TUBGCP5: variants seen among roughly 807,000 people sequenced by gnomAD.
TUBGCP5 encodes gamma-tubulin complex component 5.
In TUBGCP5, 98 loss-of-function variants were observed where a neutral mutation model predicts 134.7. That is an observed-to-expected ratio of 0.73 (90% CI 0.62 to 0.86). The LOEUF is 0.86. TUBGCP5 is among the 40% of genes least tolerant of loss of function. TUBGCP5 has a pLI of 0.00. For synonymous variants in TUBGCP5, 456 were observed against 431.4 expected, an observed-to-expected ratio of 1.06 and a Z score of -0.71; for missense variants, 1,150 against 1,244.8, an observed-to-expected ratio of 0.92 and a Z score of 1.15.
chr15:23,015,980 G>A (rs569445382), intron 13 of TUBGCP5, among the ~76,000 whole-genome samples: 2 of 152,236 alleles, frequency 1.3e-5, no homozygotes, highest in African/African-American at 4.8e-5. Flanking sequence ...CACCTCCCAA[G>A]AAAACCAATA....
chr15:23,006,717 C>T (rs1188452317), intron 16 of TUBGCP5, among the ~76,000 whole-genome samples: 1 of 152,090 alleles, frequency 6.6e-6, no homozygotes, highest in African/African-American at 2.4e-5. Context: ...AGCAGCTCGA[C>T]GGAGCCGAGC....
chr15:22,996,378 C>T (rs923982018), downstream of TUBGCP5, among the ~76,000 whole-genome samples: 1 of 152,116 alleles, frequency 6.6e-6, no homozygotes, highest in African/African-American at 2.4e-5. Flanking sequence ...GGTGCAATGG[C>T]GCACACCTGT....
At chr15:23,026,037 A>G in intron 8 of TUBGCP5, 79 bp downstream of exon 8, 1 of 1,194,296 alleles carries the variant, frequency 8.4e-7, no homozygotes, top group Non-Finnish European at 1.2e-6. Context: ...AAATGCTTGA[A>G]AAGTTTCCTT....
In TUBGCP5 at chr15:23,016,969, G is replaced by GATATAT. The variant is rs57631069; in HGVS notation, c.1756+798_1756+803dup. Among the ~76,000 whole-genome samples, 95 of 109,424 alleles carry GATATAT rather than the reference G, an allele frequency of 8.7e-4. 8 individuals carry two copies. In the East Asian group the frequency reaches 0.012, roughly 14 times the overall value. 71.8% of individuals were successfully genotyped at this position (109,424 alleles called of 152,430 possible). A position where few individuals can be genotyped will look rare whatever the true frequency, so the allele number is the denominator to read the frequency against. Reference sequence around the variant, plus strand: ...AGATGAATGGGTAAAAAAATTGTGAGATATATATATATATATATGTATATA... The same window carrying GATATAT: ...AGATGAATGGGTAAAAAAATTGTGAGATATATATATATATATATATATATGTATATA... On this transcript the variant is annotated intron_variant, in intron 13 of 22. Transcript: ENST00000615383.
chr15:22,995,215 GC>G (rs1368269551), downstream of TUBGCP5, among the ~76,000 whole-genome samples: 1 of 151,946 alleles, frequency 6.6e-6, no homozygotes, highest in South Asian at 2.1e-4. Context: ...TTGCACTCCA[GC>G]CTGGGGGACA....
At chr15:23,023,638 T>C in intron 10 of TUBGCP5, 1 of 284,908 alleles carries the variant, frequency 3.5e-6, no homozygotes, top group South Asian at 4.1e-5. Flanking sequence ...CTCATGTATG[T>C]TGAAACTCTT....
downstream of TUBGCP5, chr15:22,999,090 C>G (rs1016131020): frequency 6.6e-6 from 1 of 152,124 alleles, no homozygotes; most frequent in Non-Finnish European, 1.5e-5. Flanking sequence ...ACAGCTACAT[C>G]TAAGACAACT....
intron 14 of TUBGCP5, 133 bp downstream of exon 14, chr15:23,011,000 A>T (rs1369741421): frequency 4.8e-6 from 4 of 827,584 alleles, no homozygotes; most frequent in Non-Finnish European, 5.6e-6. Context: ...AAAAAAAAAA[A>T]GGAAAAAGAA....
downstream of TUBGCP5, among the ~76,000 whole-genome samples, chr15:22,997,978 G>A (rs1325486761): frequency 6.6e-6 from 1 of 151,630 alleles, no homozygotes; most frequent in African/African-American, 2.4e-5. Context: ...TTAATAGTAA[G>A]CATAATTCTA....
chr15:23,015,871 C>A (rs2065284172), intron 13 of TUBGCP5, among the ~76,000 whole-genome samples: 1 of 152,164 alleles, frequency 6.6e-6, no homozygotes, highest in African/African-American at 2.4e-5. Flanking sequence ...TAACTCTTTA[C>A]AAAACGTACT....
chr15:23,038,803 T>C (rs1187273482), intron 1 of TUBGCP5, among the ~76,000 whole-genome samples: 1 of 152,142 alleles, frequency 6.6e-6, no homozygotes, highest in African/African-American at 2.4e-5. Flanking sequence ...CTTTAAAAAT[T>C]AGTTACAAGA....
At chr15:23,030,462 G>A (rs2066240505) in intron 6 of TUBGCP5, among the ~76,000 whole-genome samples, 1 of 151,980 alleles carries the variant, frequency 6.6e-6, no homozygotes. Context: ...GATATAAAAT[G>A]GCATAGTATT....
chr15:23,020,429 C>G (rs73411315), intron 11 of TUBGCP5, among the ~76,000 whole-genome samples: 6,842 of 147,326 alleles, frequency 0.046, 412 homozygotes, highest in African/African-American at 0.15. Flanking sequence ...AAAAAAAACC[C>G]CAAAAAATTA....
At chr15:23,020,075 G>C (rs2065581533) in intron 11 of TUBGCP5, among the ~76,000 whole-genome samples, 1 of 151,912 alleles carries the variant, frequency 6.6e-6, no homozygotes, top group Non-Finnish European at 1.5e-5. Flanking sequence ...GCAGGAGTTT[G>C]AGACCAGCCT....
chr15:22,993,516 GC>G (rs1287377308), intron 23 of TUBGCP5, among the ~76,000 whole-genome samples: 2 of 110,416 alleles, frequency 1.8e-5, no homozygotes, highest in Non-Finnish European at 3.5e-5. Flanking sequence ...TCCCACCTCA[GC>G]CCCCGAAGTT....
Position 23,008,720 on chromosome 15 carries a change from C to T in TUBGCP5, c.2306G>A (p.Arg769His), listed in dbSNP as rs755058797. The T allele has an allele frequency of 6.2e-6, 10 of 1,608,264 alleles. No individual in the cohort carries two copies. The highest frequency in any genetic ancestry group is 5.6e-5 in the South Asian group (5 of 89,406). ...TTACCGTGAACTATCTTCAGGATAA[C>T]GCTGTCCTACTGCTTCTTGGAGTTG... ...NVQLQEAVGQ[R>H]YPEDSSRLSI... The change falls in exon 16 of 23, where the codon CGT becomes CAT. Residue 769 changes from arginine to histidine, a missense_variant. Around this residue, in one of 2 missense-constraint regions of TUBGCP5, gnomAD observed 697 missense variants for 850.1 expected, o/e 0.82. Transcript: ENST00000615383.
chr15:23,017,524 T>G (rs894287986), intron 13 of TUBGCP5, among the ~76,000 whole-genome samples: 3 of 151,704 alleles, frequency 2.0e-5, no homozygotes, highest in Non-Finnish European at 4.4e-5. Flanking sequence ...GAATCCAGAG[T>G]GAGGAAAATG....
intron 10 of TUBGCP5, among the ~76,000 whole-genome samples, chr15:23,022,728 T>G (rs73411305): frequency 0.046 from 6,999 of 152,324 alleles, 425 homozygotes; most frequent in African/African-American, 0.14. Flanking sequence ...TAATGTGCTG[T>G]GTCAATGTCA....
intron 3 of TUBGCP5, 82 bp from the exon 4 acceptor site, chr15:23,032,906 C>T (rs918354816): frequency 2.0e-6 from 2 of 984,516 alleles, no homozygotes; most frequent in African/African-American, 1.7e-5. Flanking sequence ...AACTCCATGA[C>T]AGTTATGTCC....
Sources: gnomAD v4.1 joint callset for allele counts (sites outside exome capture counted in the v4.1 genomes callset) on GRCh38, gnomAD v4.1.1 for gene constraint, gnomAD v4.1.1 regional missense constraint, MANE v1.5 for transcripts, NCBI Gene and HGNC (gene_info 2026-07-23, HGNC 2026-07-21) for gene names.